The following UBE4B variants were observed in gnomAD, a reference collection of about 807,000 sequenced individuals.
UBE4B encodes ubiquitination factor E4B.
A neutral mutation model predicts 148.1 loss-of-function variants in UBE4B; 27 were observed. The ratio of observed to expected loss-of-function variants is 0.18; its 90% confidence interval spans 0.13 to 0.25. The LOEUF (loss-of-function observed/expected upper bound fraction) is 0.25. UBE4B is among the 10% of genes least tolerant of loss of function. UBE4B has a pLI of 1.00. For synonymous variants in UBE4B, 596 were observed against 619.3 expected, an observed-to-expected ratio of 0.96 and a Z score of 0.56; for missense variants, 1,170 against 1,662.4, an observed-to-expected ratio of 0.70 and a Z score of 5.15.
intron 21 of UBE4B, among the ~76,000 whole-genome samples, chr1:10,157,209 C>T (rs1370807872): frequency 6.6e-6 from 1 of 151,992 alleles, no homozygotes; most frequent in Admixed American, 6.6e-5. Flanking sequence ...ATAGTAGAGG[C>T]GGGGTTTTGC....
At chr1:10,129,101 A>G (rs1645549545) in intron 11 of UBE4B, 2 of 343,588 alleles carry the variant, frequency 5.8e-6, no homozygotes, top group East Asian at 4.4e-5. Context: ...ACACAAAAAT[A>G]TATCTGAAAA....
intron 17 of UBE4B, among the ~76,000 whole-genome samples, chr1:10,139,613 G>A (rs1030739003): frequency 3.3e-5 from 5 of 152,156 alleles, no homozygotes; most frequent in Non-Finnish European, 1.5e-5. Flanking sequence ...ATTACATCTT[G>A]TGTCAGTTTT....
At chr1:10,148,043 C>T (rs956282239) in intron 19 of UBE4B, among the ~76,000 whole-genome samples, 1 of 152,034 alleles carries the variant, frequency 6.6e-6, no homozygotes, top group African/African-American at 2.4e-5. Flanking sequence ...TTTGCTAACA[C>T]GGTGAAACCC....
intron 9 of UBE4B, among the ~76,000 whole-genome samples, chr1:10,120,099 T>G (rs2101920465): frequency 6.6e-6 from 1 of 152,346 alleles, no homozygotes; most frequent in Admixed American, 6.5e-5. Flanking sequence ...GTTGCAAATT[T>G]TTGTTTTTAT....
chr1:10,147,144 C>A, intron 19 of UBE4B, 54 bp downstream of exon 19: 1 of 1,606,952 alleles, frequency 6.2e-7, no homozygotes. Flanking sequence ...GCTCTGTTGT[C>A]TTTATTGTCC....
In UBE4B at chr1:10,106,555, C is replaced by T. The variant is rs749641898; in HGVS notation, c.1168C>T (p.Arg390Cys). The change falls in exon 7 of 28, where the codon CGC becomes TGC. Residue 390 changes from arginine to cysteine, a missense_variant. Coordinates refer to ENST00000343090, the MANE Select transcript of UBE4B (RefSeq NM_001105562.3). The surrounding 1 kb of genome is among the most constrained non-coding windows in gnomAD (Gnocchi z 4.2). ...PPASPSATSR[R>C]PSSLRISPSL... is the part of the protein sequence containing the mutation. ...CGCCTCACCCAGTGCCACGAGCAGA[C>T]GCCCCTCCTCCCTGAGGATCTCTCC... 18 of 1,584,292 alleles carry T rather than the reference C, an allele frequency of 1.1e-5. No individual in the cohort carries two copies. Among genetic ancestry groups the T allele is most frequent in the South Asian group, 8.0e-5 (7 of 87,402 alleles).
intron 1 of UBE4B, among the ~76,000 whole-genome samples, chr1:10,056,424 A>G (rs1333292239): frequency 6.6e-6 from 1 of 152,196 alleles, no homozygotes; most frequent in Non-Finnish European, 1.5e-5. Context: ...TTGTTCAGCA[A>G]ATATTTACCG....
Position 10,156,110 on chromosome 1 carries a change from C to T in UBE4B, c.2927-2246C>T, listed in dbSNP as rs895249744. ...GTTCAACACAAGTCTAGTCCACCTA[C>T]GGCCTTCTAGAACAAGGACCTGGGA... is the stretch of plus-strand genomic sequence containing the variant. On this transcript the variant is annotated intron_variant, in intron 21 of 27. Coordinates refer to ENST00000343090, the MANE Select transcript of UBE4B (RefSeq NM_001105562.3). Among the ~76,000 whole-genome samples, 11 of 151,472 alleles carry T rather than the reference C, an allele frequency of 7.3e-5. 1 individual carries two copies. The highest frequency in any genetic ancestry group is 1.5e-4 in the African/African-American group (6 of 41,324).
intron 1 of UBE4B, among the ~76,000 whole-genome samples, chr1:10,051,329 G>A (rs1644040165): frequency 6.6e-6 from 1 of 152,220 alleles, no homozygotes. Context: ...TGTGCATGGT[G>A]TAGTGACCTG....
At chr1:10,082,889 A>T (rs570979603) in intron 2 of UBE4B, among the ~76,000 whole-genome samples, 3 of 142,830 alleles carry the variant, frequency 2.1e-5, no homozygotes, top group Non-Finnish European at 4.5e-5. Flanking sequence ...ACTCCCATTT[A>T]TGAGTGAGAA....
rs1312607510 is a variant in UBE4B at position 10,180,862 on chromosome 1, C to T, written c.*906C>T. 6.6e-6 allele frequency: 1 copy of T among 152,000 alleles called. No homozygotes were observed. Among genetic ancestry groups the T allele is most frequent in the East Asian group, 1.9e-4 (1 of 5,172 alleles). The allele number at this position is 152,000 out of a possible 1,614,324, so 9.4% of individuals were successfully genotyped here. A position where few individuals can be genotyped will look rare whatever the true frequency, so the allele number is the denominator to read the frequency against. On this transcript the variant is annotated 3_prime_UTR_variant, in exon 28 of 28. Transcript: ENST00000343090. ...TCACAGTTATCCTCTGGGGGTAAAT[C>T]AATTCTTCAACCCTTGGGTGTGTGA...
chr1:10,160,557 T>G (rs1646144217), intron 22 of UBE4B, among the ~76,000 whole-genome samples: 1 of 152,138 alleles, frequency 6.6e-6, no homozygotes, highest in African/African-American at 2.4e-5. Flanking sequence ...AATCTGGTTA[T>G]AAAATTCTGG....
chr1:10,097,029 ACT>A (rs1322990649), intron 3 of UBE4B, among the ~76,000 whole-genome samples: 3 of 149,208 alleles, frequency 2.0e-5, no homozygotes, highest in African/African-American at 4.9e-5. Flanking sequence ...ACAGAGTAAG[ACT>A]CTGCATCAAA....
intron 17 of UBE4B, among the ~76,000 whole-genome samples, chr1:10,141,513 T>A (rs1288552587): frequency 1.3e-5 from 2 of 152,210 alleles, no homozygotes; most frequent in Non-Finnish European, 2.9e-5. Context: ...ACTCTAAGAC[T>A]ATAATTGTGT....
At chr1:10,165,179 C>T (rs572483099) in intron 23 of UBE4B, among the ~76,000 whole-genome samples, 14 of 152,170 alleles carry the variant, frequency 9.2e-5, no homozygotes, top group African/African-American at 3.4e-4. Flanking sequence ...GTGTCCAAAA[C>T]GGAACCCTTG....
At chr1:10,151,583 T>C in intron 21 of UBE4B, 22 bp downstream of exon 21, 1 of 1,603,322 alleles carries the variant, frequency 6.2e-7, no homozygotes, top group Non-Finnish European at 8.5e-7. Context: ...GAACACAGTG[T>C]AGCACATGGC....
chr1:10,148,369 C>T (rs1645912370), intron 19 of UBE4B, among the ~76,000 whole-genome samples: 1 of 151,798 alleles, frequency 6.6e-6, no homozygotes. Context: ...TGGTGGCTCA[C>T]GTCTGTAATC....
chr1:10,041,125 A>C (rs914586596), intron 1 of UBE4B, among the ~76,000 whole-genome samples: 1 of 152,058 alleles, frequency 6.6e-6, no homozygotes, highest in East Asian at 1.9e-4. Context: ...GATAATAAGG[A>C]TATAAACTTG....
intron 1 of UBE4B, among the ~76,000 whole-genome samples, chr1:10,049,864 C>T (rs1570779573): frequency 6.9e-6 from 1 of 145,936 alleles, no homozygotes; most frequent in Non-Finnish European, 1.5e-5. Context: ...GCCCTCTAGT[C>T]TGGGCGAGAG....
Sources: allele counts gnomAD v4.1 joint callset (sites outside exome capture counted in the v4.1 genomes callset), GRCh38; gene constraint gnomAD v4.1.1; non-coding constraint Gnocchi (gnomAD v3.1); transcripts MANE v1.5; gene names NCBI Gene and HGNC (gene_info 2026-07-23, HGNC 2026-07-21).